Variants in TMEM131 observed in about 807,000 individuals in gnomAD.
The protein encoded by TMEM131 is 2610524E03Rik.
Under a neutral mutation model 211.6 loss-of-function variants are expected in TMEM131, and 66 were observed. That is an observed-to-expected ratio of 0.31 (90% CI 0.26 to 0.38). The LOEUF is 0.38. Ranked by LOEUF, TMEM131 falls within the 10% of genes least tolerant of loss-of-function variation. TMEM131 has a pLI of 1.00. For synonymous variants in TMEM131, 844 were observed against 841.3 expected, an observed-to-expected ratio of 1.00 and a Z score of -0.06; for missense variants, 2,036 against 2,299.3, an observed-to-expected ratio of 0.89 and a Z score of 2.34.
chr2:97,943,613 A>G (rs1217229252), intron 1 of TMEM131, among the ~76,000 whole-genome samples: 1 of 152,228 alleles, frequency 6.6e-6, no homozygotes, highest in Non-Finnish European at 1.5e-5. Context: ...TCTTGTCAAA[A>G]TCTCACCTTG....
chr2:97,891,966 C>A (rs1312384155), intron 3 of TMEM131, among the ~76,000 whole-genome samples: 1 of 152,128 alleles, frequency 6.6e-6, no homozygotes, highest in Non-Finnish European at 1.5e-5. Context: ...GAAGGAAGTG[C>A]CTTAACCAGT....
chr2:97,764,884 G>C (rs1559344182), intron 35 of TMEM131: 1 of 152,224 alleles, frequency 6.6e-6, no homozygotes, highest in East Asian at 1.9e-4. Context: ...CCGGCAGCAT[G>C]GTTCTGCATG....
rs555691494 is a variant in TMEM131, at chr2:97,756,864, T to C, written c.*235A>G. 2 of 426,092 alleles carry C rather than the reference T, an allele frequency of 4.7e-6. No individual in the cohort carries two copies. Among genetic ancestry groups the C allele is most frequent in the Admixed American group, 8.2e-5 (2 of 24,418 alleles). The allele number at this position is 426,092 out of a possible 1,614,324, so 26.4% of individuals were successfully genotyped here. A position where few individuals can be genotyped will look rare whatever the true frequency, so the allele number is the denominator to read the frequency against. On this transcript the variant is annotated 3_prime_UTR_variant, in exon 41 of 41. Coordinates refer to ENST00000186436, the MANE Select transcript of TMEM131 (RefSeq NM_015348.2). ...CAGATGTACAGGTCTTATTAGAGTT[T>C]GTGGCTGAGTCCAGACTTTTCTCTA...
intron 1 of TMEM131, among the ~76,000 whole-genome samples, chr2:97,936,451 C>T (rs138049912): frequency 7.6e-4 from 115 of 152,220 alleles, no homozygotes; most frequent in South Asian, 2.9e-3. Flanking sequence ...GTCAACTGCC[C>T]GGCTGAGTGT....
rs181940386 is a variant in TMEM131, at chr2:97,882,119, A to G, written c.359+5933T>C. 3.2e-4 allele frequency among the ~76,000 whole-genome samples: 49 copies of G among 152,308 alleles called. 1 individual carries two copies. Among genetic ancestry groups the G allele is most frequent in the African/African-American group, 1.2e-3 (49 of 41,560 alleles). ...TTACTAAGCAAATTCTTTCAACCATATCTCTCTTCATTTTCTAGAGTCAGA... is the reference window on the plus strand; with the variant it reads ...TTACTAAGCAAATTCTTTCAACCATGTCTCTCTTCATTTTCTAGAGTCAGA... On this transcript the variant is annotated intron_variant, in intron 4 of 40. Coordinates refer to ENST00000186436, the MANE Select transcript of TMEM131 (RefSeq NM_015348.2).
chr2:97,844,595 T>A (rs1404202223), intron 5 of TMEM131, among the ~76,000 whole-genome samples: 2 of 152,144 alleles, frequency 1.3e-5, no homozygotes, highest in Admixed American at 6.5e-5. Context: ...TGAGTTTTCA[T>A]ATAGATATAC....
chr2:97,784,269 ATTCTT>A (rs1680148092), intron 31 of TMEM131, among the ~76,000 whole-genome samples: 1 of 152,118 alleles, frequency 6.6e-6, no homozygotes, highest in Non-Finnish European at 1.5e-5. Flanking sequence ...GAGAATATAC[ATTCTT>A]TTCAAGTGCC....
intron 4 of TMEM131, among the ~76,000 whole-genome samples, chr2:97,882,499 T>C (rs969751965): frequency 6.6e-6 from 1 of 152,234 alleles, no homozygotes. Flanking sequence ...AGGCCCTGTC[T>C]GAGCCAAGAG....
chr2:97,860,824 G>A (rs949633844), intron 4 of TMEM131, among the ~76,000 whole-genome samples: 2 of 152,182 alleles, frequency 1.3e-5, no homozygotes, highest in African/African-American at 4.8e-5. Context: ...AAAATCAGGT[G>A]AGCACTCACA....
At chr2:97,764,632 A>C (rs1437781043) in intron 35 of TMEM131, 1 of 152,300 alleles carries the variant, frequency 6.6e-6, no homozygotes, top group Non-Finnish European at 1.5e-5. Flanking sequence ...TCTGTGGAAG[A>C]GCCAGGCAGG....
chr2:97,773,321 G>C (rs567129621), intron 32 of TMEM131, among the ~76,000 whole-genome samples: 6 of 152,210 alleles, frequency 3.9e-5, no homozygotes, highest in East Asian at 3.8e-4. Flanking sequence ...ATTACCAAGA[G>C]GGCCCAGTTT....
At chr2:97,868,197 G>A (rs1674347885) in intron 4 of TMEM131, among the ~76,000 whole-genome samples, 1 of 152,048 alleles carries the variant, frequency 6.6e-6, no homozygotes, top group African/African-American at 2.4e-5. Context: ...TGCTTGTTCT[G>A]AAGTTTACTT....
At chr2:97,796,484 G>C in intron 27 of TMEM131, 80 bp from the exon 28 acceptor site, 1 of 880,682 alleles carries the variant, frequency 1.1e-6, no homozygotes, top group South Asian at 1.7e-5. Flanking sequence ...CATTATTCAT[G>C]AATTACTATA....
chr2:97,882,112 C>T (rs1674960379), intron 4 of TMEM131, among the ~76,000 whole-genome samples: 1 of 152,194 alleles, frequency 6.6e-6, no homozygotes, highest in Admixed American at 6.5e-5. Context: ...CAAATTCTTT[C>T]AACCATATCT....
At chr2:97,977,165 A>C (rs1331744136) in intron 1 of TMEM131, among the ~76,000 whole-genome samples, 1 of 152,216 alleles carries the variant, frequency 6.6e-6, no homozygotes, top group Non-Finnish European at 1.5e-5. Context: ...GCAAATTGGT[A>C]AAGTTGATTC....
chr2:97,797,085 ATTAAAT>A, intron 26 of TMEM131, 99 bp from the exon 27 acceptor site: 1 of 1,242,604 alleles, frequency 8.0e-7, no homozygotes, highest in Non-Finnish European at 1.1e-6. Flanking sequence ...CCACATAGAA[ATTAAAT>A]TTAATGGTGA....
rs1361435406 is a variant in TMEM131 at position 97,799,392 on chromosome 2, T to C, written c.2719-1876A>G. Among the ~76,000 whole-genome samples, 4 of 152,354 alleles carry C rather than the reference T, an allele frequency of 2.6e-5. No homozygotes were observed. In the East Asian group the frequency reaches 7.7e-4, roughly 29 times the overall value. On this transcript the variant is annotated intron_variant, in intron 25 of 40. Coordinates refer to ENST00000186436, the MANE Select transcript of TMEM131 (RefSeq NM_015348.2). ...TATTTCTACAGCTACCATGTTGTTT[T>C]GAAAAGCTGTTTGAGATGGAAGCTG...
chr2:97,770,308 G>A (rs145851027), intron 33 of TMEM131, among the ~76,000 whole-genome samples: 110 of 152,264 alleles, frequency 7.2e-4, no homozygotes, highest in African/African-American at 2.6e-3. Context: ...TTTCATCCTC[G>A]AGTTCAGAAA....
intron 31 of TMEM131, among the ~76,000 whole-genome samples, chr2:97,778,352 A>C (rs1679831549): frequency 6.6e-6 from 1 of 152,166 alleles, no homozygotes; most frequent in Non-Finnish European, 1.5e-5. Flanking sequence ...GGAGTTTGAG[A>C]CCAGCCTGGC....
Sources: gnomAD v4.1 joint callset for allele counts (sites outside exome capture counted in the v4.1 genomes callset) on GRCh38, gnomAD v4.1.1 for gene constraint, MANE v1.5 for transcripts, NCBI Gene and HGNC (gene_info 2026-07-23, HGNC 2026-07-21) for gene names.